CLDN18: variants seen among roughly 807,000 people sequenced by gnomAD.
CLDN18 encodes the protein claudin 18, also known as claudin-18.
Under a neutral mutation model 25.0 loss-of-function variants are expected in CLDN18, and 20 were observed. The ratio of observed to expected loss-of-function variants is 0.80; its 90% confidence interval spans 0.56 to 1.16. The LOEUF (loss-of-function observed/expected upper bound fraction) is 1.16, where lower values mean the gene tolerates loss of function less well. Ranked by LOEUF, CLDN18 falls within the 50% of genes most tolerant of loss-of-function variation. CLDN18 has a pLI of 0.00. For missense variants in CLDN18, 297 were observed against 345.4 expected, an observed-to-expected ratio of 0.86 and a Z score of 1.11; for synonymous variants, 125 against 135.6, an observed-to-expected ratio of 0.92 and a Z score of 0.54.
intron 1 of CLDN18, among the ~76,000 whole-genome samples, chr3:138,003,088 T>C (rs763547006): frequency 1.2e-4 from 18 of 152,298 alleles, no homozygotes; most frequent in Admixed American, 5.2e-4. Context: ...CTATTGACAT[T>C]GTGGGCCATA....
intron 3 of CLDN18, among the ~76,000 whole-genome samples, chr3:138,027,156 G>T (rs910410135): frequency 1.3e-5 from 2 of 152,198 alleles, no homozygotes; most frequent in Non-Finnish European, 2.9e-5. Flanking sequence ...AGATCTGGCA[G>T]CATTACACTG....
Position 138,010,223 on chromosome 3 carries a change from A to T in CLDN18, c.-3A>T, listed in dbSNP as rs1260743949. ...GCAGGCGGCAGGGCGGGCGGCCAGG[A>T]TCATGTCCACCACCACATGCCAAGT... On this transcript the variant is annotated 5_prime_UTR_variant, in exon 1 of 5. Transcript: ENST00000183605. 8 of 1,612,196 alleles carry T rather than the reference A, an allele frequency of 5.0e-6. No homozygotes were observed. Among genetic ancestry groups the T allele is most frequent in the Non-Finnish European group, 5.9e-6 (7 of 1,179,226 alleles).
intron 1 of CLDN18, among the ~76,000 whole-genome samples, chr3:138,012,678 C>T (rs1386714339): frequency 6.6e-6 from 1 of 152,232 alleles, no homozygotes; most frequent in Non-Finnish European, 1.5e-5. Context: ...TGAGCATATT[C>T]ACCCCGCGTG....
At position 138,002,190 on chromosome 3, in the gene CLDN18, G is replaced by A. The variant is rs550827630; in HGVS notation, c.220+3102G>A. 3.9e-5 allele frequency among the ~76,000 whole-genome samples: 6 copies of A among 152,290 alleles called. No homozygotes were observed. The South Asian group carries it at 1.0e-3, about 26-fold the overall frequency. ...ATGTCTGGGGTAGTGAGGTGTCTAC[G>A]ACTTGGTAGTTCTCTGCAGTGGTCT... On this transcript the variant is annotated intron_variant, in intron 1 of 4. Transcript: ENST00000343735.
intron 3 of CLDN18, among the ~76,000 whole-genome samples, chr3:138,029,260 C>T (rs1041778242): frequency 5.3e-5 from 8 of 152,088 alleles, no homozygotes; most frequent in Non-Finnish European, 8.8e-5. Context: ...ATTCTCGTGC[C>T]TTAGCCTCCT....
Position 138,028,616 on chromosome 3 carries a change from G to A in CLDN18, c.504-1181G>A, listed in dbSNP as rs75340927. Among the ~76,000 whole-genome samples, 15 of 152,288 alleles carry A rather than the reference G, an allele frequency of 9.8e-5. 1 individual carries two copies. In the East Asian group the frequency reaches 2.3e-3, roughly 24 times the overall value. ...CCTTTTCTGCAGAACTCATGGAGCC[G>A]GAAATCAAGTTATCAGCTGGCATTA... On this transcript the variant is annotated intron_variant, in intron 3 of 4. Transcript: ENST00000183605.
chr3:138,003,054 C>G (rs191745703), intron 1 of CLDN18, among the ~76,000 whole-genome samples: 1 of 152,258 alleles, frequency 6.6e-6, no homozygotes, highest in East Asian at 1.9e-4. Context: ...GACAGACATA[C>G]AGTAAACAGT....
At chr3:138,030,823 T>C (rs761250039) in intron 4 of CLDN18, 147 bp from the exon 5 acceptor site, 1 of 683,892 alleles carries the variant, frequency 1.5e-6, no homozygotes, top group Non-Finnish European at 2.5e-6. Context: ...AAACTAAGGT[T>C]ACTAACTATC....
At chr3:138,019,714 T>G (rs1319375093) in intron 1 of CLDN18, among the ~76,000 whole-genome samples, 1 of 151,680 alleles carries the variant, frequency 6.6e-6, no homozygotes, top group Non-Finnish European at 1.5e-5. Flanking sequence ...CTTTAAAAGC[T>G]CCCCCAGAAG....
rs768411693 is a variant in CLDN18, at chr3:138,024,724, G to C, written c.503G>C (p.Arg168Thr). ...MGGMVQTVQT[R>T]YTFGAALFVG... ...GGGATGGTGCAGACTGTTCAGACCA[G>C]GTAACCTCCTAATCTAGGTCTCGGC... The change falls in exon 3 of 5, where the codon AGG becomes ACG. Residue 168 changes from arginine to threonine, a missense_variant and splice_region_variant. By Grantham distance (71) the Arg-to-Thr change is moderately conservative (BLOSUM62 -1). Transcript: ENST00000183605. 2.0e-6 allele frequency: 3 copies of C among 1,530,318 alleles called. No individual in the cohort carries two copies. Among genetic ancestry groups the C allele is most frequent in the Non-Finnish European group, 2.7e-6 (3 of 1,106,254 alleles). The allele number at this position is 1,530,318 out of a possible 1,614,324, so 94.8% of individuals were successfully genotyped here.
chr3:138,013,242 C>T (rs1470794481), intron 1 of CLDN18, among the ~76,000 whole-genome samples: 2 of 152,158 alleles, frequency 1.3e-5, no homozygotes, highest in Non-Finnish European at 2.9e-5. Context: ...AGGACCTGGT[C>T]CTCCTCCTGC....
At chr3:138,024,044 T>C (rs924318454) in intron 2 of CLDN18, among the ~76,000 whole-genome samples, 9 of 151,992 alleles carry the variant, frequency 5.9e-5, no homozygotes, top group African/African-American at 2.2e-4. Flanking sequence ...GGTGCAGTGG[T>C]TCACATCTAT....
At chr3:138,000,213 G>A (rs1408112391) in intron 1 of CLDN18, among the ~76,000 whole-genome samples, 3 of 152,128 alleles carry the variant, frequency 2.0e-5, no homozygotes, top group Non-Finnish European at 4.4e-5. Flanking sequence ...ATAAAAGAGT[G>A]CACCAGGCTG....
At chr3:138,024,464 C>G in intron 2 of CLDN18, 143 bp from the exon 3 acceptor site, 1 of 654,108 alleles carries the variant, frequency 1.5e-6, no homozygotes, top group Non-Finnish European at 2.8e-6. Context: ...TAGCACATAG[C>G]AAGAATTCAA....
rs1357156860 is a variant in CLDN18 at position 138,010,353 on chromosome 3, T to A, written c.128T>A (p.Val43Glu). Residue 43 changes from valine to glutamate, a missense_variant, in exon 1 of 5, where the codon GTG becomes GAG. Val to Glu is a moderately radical substitution (Grantham distance 121, BLOSUM62 -2). Transcript: ENST00000183605. Reference protein sequence around the residue: ...QDLYDNPVTSVFQYEGLWRSC... With the variant: ...QDLYDNPVTSEFQYEGLWRSC... ...CTGTACGACAACCCCGTCACCTCCG[T>A]GTTCCAGTACGAAGGGCTCTGGAGG... 6.2e-7 allele frequency: 1 copy of A among 1,614,084 alleles called. No individual in the cohort carries two copies. Among genetic ancestry groups the A allele is most frequent in the Non-Finnish European group, 8.5e-7 (1 of 1,180,040 alleles).
At chr3:138,020,866 T>A (rs1942263001) in intron 1 of CLDN18, among the ~76,000 whole-genome samples, 1 of 152,210 alleles carries the variant, frequency 6.6e-6, no homozygotes, top group South Asian at 2.1e-4. Flanking sequence ...TGTACCTTGA[T>A]GGAAGCCAGG....
upstream of CLDN18, among the ~76,000 whole-genome samples, chr3:138,009,427 C>A (rs551745570): frequency 3.9e-5 from 6 of 152,270 alleles, no homozygotes; most frequent in Non-Finnish European, 8.8e-5. Context: ...GGGTCCCTGG[C>A]TTCCTCTCAT....
At chr3:138,030,376 G>A (rs1463932664) in intron 4 of CLDN18, among the ~76,000 whole-genome samples, 1 of 152,240 alleles carries the variant, frequency 6.6e-6, no homozygotes, top group African/African-American at 2.4e-5. Flanking sequence ...TGCTGCTGCT[G>A]AGAAACTCTG....
At chr3:138,010,713 A>T (rs1372554681) in intron 1 of CLDN18, among the ~76,000 whole-genome samples, 1 of 152,248 alleles carries the variant, frequency 6.6e-6, no homozygotes, top group Non-Finnish European at 1.5e-5. Context: ...GGGTATGTTC[A>T]TGATACCTGG....
Sources: gnomAD v4.1 joint callset for allele counts (sites outside exome capture counted in the v4.1 genomes callset) on GRCh38, gnomAD v4.1.1 for gene constraint, MANE v1.5 for transcripts, NCBI Gene and HGNC (gene_info 2026-07-23, HGNC 2026-07-21) for gene names.